MCOLN2: variants seen among roughly 807,000 people sequenced by gnomAD.
MCOLN2 encodes mucolipin-2.
In MCOLN2, 57 loss-of-function variants were observed where a neutral mutation model predicts 67.5. The observed-to-expected ratio is 0.84, with a 90% CI of 0.68 to 1.05. MCOLN2 has a LOEUF of 1.05. Among genes scored for constraint, MCOLN2 ranks in the 50% least tolerant of loss-of-function variants. The pLI is 0.00. For synonymous variants in MCOLN2, 246 were observed against 233.3 expected, an observed-to-expected ratio of 1.05 and a Z score of -0.50; for missense variants, 620 against 678.8, an observed-to-expected ratio of 0.91 and a Z score of 0.96.
intron 11 of MCOLN2, among the ~76,000 whole-genome samples, chr1:84,936,550 A>G (rs1052138171): frequency 6.6e-6 from 1 of 152,226 alleles, no homozygotes; most frequent in Non-Finnish European, 1.5e-5. Context: ...AGTCACCTTT[A>G]AAGCAGTGAC....
Position 84,927,157 on chromosome 1 carries a change from T to G in MCOLN2, c.1665-436A>C, listed in dbSNP as rs118188213. Among the ~76,000 whole-genome samples, 1,398 of 151,020 alleles carry G rather than the reference T, an allele frequency of 9.3e-3. 53 individuals are homozygous for G. The East Asian group carries it at 0.13, about 14-fold the overall frequency. ...AACCACCATGGCGCATGTGTACCTA[T>G]GTAACCTGCACGTTCAGCACATGTA... On this transcript the variant is annotated intron_variant, in intron 13 of 13. Coordinates refer to ENST00000370608, the MANE Select transcript of MCOLN2 (RefSeq NM_153259.4).
At chr1:84,942,931 G>A (rs1017873147) in intron 7 of MCOLN2, among the ~76,000 whole-genome samples, 1 of 152,032 alleles carries the variant, frequency 6.6e-6, no homozygotes, top group Non-Finnish European at 1.5e-5. Flanking sequence ...CACCAGAAGT[G>A]GGGCTCCGAC....
At chr1:84,991,289 T>A (rs1475444713) in intron 1 of MCOLN2, among the ~76,000 whole-genome samples, 1 of 152,192 alleles carries the variant, frequency 6.6e-6, no homozygotes, top group Non-Finnish European at 1.5e-5. Flanking sequence ...AATGACTGTG[T>A]TGGCCCCAGG....
chr1:84,946,992 A>T lies in MCOLN2; in HGVS notation c.847+41T>A, dbSNP rs774463716. Reference sequence around the variant, plus strand: ...CAAGCCACAAAATAAAGTGTTAAAAATCATCTATAATTCCCATGGGCAAGT... The same window carrying T: ...CAAGCCACAAAATAAAGTGTTAAAATTCATCTATAATTCCCATGGGCAAGT... On this transcript the variant is annotated intron_variant, in intron 7 of 13. Coordinates refer to ENST00000370608, the MANE Select transcript of MCOLN2 (RefSeq NM_153259.4). 4.0e-5 allele frequency: 38 copies of T among 957,432 alleles called. 1 individual carries two copies. In the Admixed American group the frequency reaches 6.3e-4, roughly 16 times the overall value. 59.3% of individuals were successfully genotyped at this position (957,432 alleles called of 1,614,324 possible). A position where few individuals can be genotyped will look rare whatever the true frequency, so the allele number is the denominator to read the frequency against.
At chr1:84,995,105 A>G (rs1334160452) in intron 1 of MCOLN2, among the ~76,000 whole-genome samples, 4 of 152,172 alleles carry the variant, frequency 2.6e-5, no homozygotes, top group Non-Finnish European at 5.9e-5. Flanking sequence ...CCTGTCTTAT[A>G]TGGGCACAGT....
chr1:84,949,157 A>T (rs11161491), intron 6 of MCOLN2, among the ~76,000 whole-genome samples: 3,981 of 152,248 alleles, frequency 0.026, 187 homozygotes, highest in African/African-American at 0.09. Flanking sequence ...ATAAAATGAA[A>T]AGAATTTCTG....
intron 11 of MCOLN2, among the ~76,000 whole-genome samples, chr1:84,935,357 C>T (rs1647362463): frequency 1.3e-5 from 2 of 152,136 alleles, no homozygotes; most frequent in African/African-American, 2.4e-5. Flanking sequence ...CTGCAGGCAA[C>T]CCTACAGACA....
At chr1:84,974,372 A>C (rs1649892878) in intron 1 of MCOLN2, among the ~76,000 whole-genome samples, 1 of 151,700 alleles carries the variant, frequency 6.6e-6, no homozygotes, top group African/African-American at 2.4e-5. Context: ...AGTGGCTCCA[A>C]AAAAGATCCC....
At chr1:84,993,674 A>G (rs1455014667) in intron 1 of MCOLN2, among the ~76,000 whole-genome samples, 1 of 137,500 alleles carries the variant, frequency 7.3e-6, no homozygotes, top group Non-Finnish European at 1.5e-5. Context: ...CCCAGGCCGG[A>G]CTGCGGACTG....
At chr1:84,963,490 C>T (rs1649200190) in intron 2 of MCOLN2, among the ~76,000 whole-genome samples, 1 of 152,020 alleles carries the variant, frequency 6.6e-6, no homozygotes, top group South Asian at 2.1e-4. Flanking sequence ...AAGGTAAATC[C>T]AAGATGGTGA....
At chr1:84,962,656 C>A (rs575170052) in intron 2 of MCOLN2, among the ~76,000 whole-genome samples, 26 of 152,164 alleles carry the variant, frequency 1.7e-4, no homozygotes, top group Admixed American at 1.6e-3. Flanking sequence ...TCAAATAGTA[C>A]CTGAAAGGTG....
At chr1:84,938,476 T>A (rs945619285) in intron 9 of MCOLN2, among the ~76,000 whole-genome samples, 4 of 152,222 alleles carry the variant, frequency 2.6e-5, no homozygotes, top group Admixed American at 2.6e-4. Flanking sequence ...GAAAGAAAAC[T>A]CCAGCATGAT....
chr1:84,959,490 C>T (rs1476082800), intron 2 of MCOLN2, among the ~76,000 whole-genome samples: 1 of 152,128 alleles, frequency 6.6e-6, no homozygotes, highest in Non-Finnish European at 1.5e-5. Flanking sequence ...TTAGTCAGCA[C>T]CAAAAGTTTA....
chr1:84,966,825 G>C (rs1649403378), intron 1 of MCOLN2, among the ~76,000 whole-genome samples: 1 of 152,056 alleles, frequency 6.6e-6, no homozygotes, highest in South Asian at 2.1e-4. Context: ...AAAGTGGAGT[G>C]CCGAAAACAA....
At chr1:84,955,928 A>C (rs1268976966) in intron 4 of MCOLN2, among the ~76,000 whole-genome samples, 1 of 152,208 alleles carries the variant, frequency 6.6e-6, no homozygotes, top group Non-Finnish European at 1.5e-5. Context: ...TATGCTCTTA[A>C]ATTCTTAACA....
rs1044386728 is a variant in MCOLN2, at chr1:84,997,104, G to T, written c.-232C>A. Reference sequence around the variant, plus strand: ...GGCAGTTCTCGGGCGGCTGAAAGGCGGCTCTGTGTGCACCCTGCAGGATGC... The same window carrying T: ...GGCAGTTCTCGGGCGGCTGAAAGGCTGCTCTGTGTGCACCCTGCAGGATGC... On this transcript the variant is annotated 5_prime_UTR_variant, in exon 1 of 14. Coordinates refer to ENST00000370608, the MANE Select transcript of MCOLN2 (RefSeq NM_153259.4). 1.6e-5 allele frequency: 9 copies of T among 561,436 alleles called. No individual in the cohort carries two copies. Among genetic ancestry groups the T allele is most frequent in the Non-Finnish European group, 2.8e-5 (9 of 317,136 alleles). 34.8% of individuals were successfully genotyped at this position (561,436 alleles called of 1,614,324 possible). A position where few individuals can be genotyped will look rare whatever the true frequency, so the allele number is the denominator to read the frequency against.
At chr1:84,970,242 T>C (rs1006357603) in intron 1 of MCOLN2, among the ~76,000 whole-genome samples, 1 of 151,628 alleles carries the variant, frequency 6.6e-6, no homozygotes, top group Non-Finnish European at 1.5e-5. Flanking sequence ...AATAAAGCCA[T>C]AGAAACTACC....
At chr1:84,991,550 A>G (rs935166654) in intron 1 of MCOLN2, among the ~76,000 whole-genome samples, 42 of 152,338 alleles carry the variant, frequency 2.8e-4, no homozygotes, top group African/African-American at 9.4e-4. Flanking sequence ...TTCTCAGCAC[A>G]GCTCTCAGAA....
chr1:84,963,737 TC>T (rs1649221574), intron 2 of MCOLN2, among the ~76,000 whole-genome samples: 1 of 152,112 alleles, frequency 6.6e-6, no homozygotes, highest in Non-Finnish European at 1.5e-5. Context: ...CTCCTCGCCT[TC>T]CCCCATGATT....
Sources: gnomAD v4.1 joint callset for allele counts (sites outside exome capture counted in the v4.1 genomes callset) on GRCh38, gnomAD v4.1.1 for gene constraint, MANE v1.5 for transcripts, NCBI Gene and HGNC (gene_info 2026-07-23, HGNC 2026-07-21) for gene names.